PRH1: variants seen among roughly 807,000 people sequenced by gnomAD.
PRH1 encodes proline rich protein HaeIII subfamily 1.
A neutral mutation model predicts 7.9 loss-of-function variants in PRH1; 7 were observed. The observed-to-expected ratio is 0.89, with a 90% CI of 0.50 to 1.67. The LOEUF (loss-of-function observed/expected upper bound fraction) is 1.67. PRH1 is among the 40% of genes most tolerant of loss of function. The probability of loss-of-function intolerance (pLI) is 0.00; values close to 1 mark genes in which losing one functional copy is unlikely to be tolerated. For synonymous variants in PRH1, 45 were observed against 80.8 expected, an observed-to-expected ratio of 0.56 and a Z score of 2.38; for missense variants, 109 against 223.6, an observed-to-expected ratio of 0.49 and a Z score of 3.27.
intron 2 of PRH1, among the ~76,000 whole-genome samples, chr12:10,945,771 TC>T (rs1950477463): frequency 6.6e-6 from 1 of 152,168 alleles, no homozygotes; most frequent in Non-Finnish European, 1.5e-5. Context: ...GCTTATTTCA[TC>T]CCTCAGCTAA....
intron 1 of PRH1, among the ~76,000 whole-genome samples, chr12:11,032,191 T>C (rs1404957546): frequency 6.6e-6 from 1 of 152,238 alleles, no homozygotes; most frequent in Non-Finnish European, 1.5e-5. Flanking sequence ...GTGTTTGCAA[T>C]TTTTCCTTGT....
intron 1 of PRH1, among the ~76,000 whole-genome samples, chr12:11,024,369 T>C (rs1591832429): frequency 6.6e-6 from 1 of 152,222 alleles, no homozygotes; most frequent in African/African-American, 2.4e-5. Flanking sequence ...TAAGTTTACC[T>C]CAATGCCACT....
At position 10,961,704 on chromosome 12, in the gene PRH1, T is replaced by C. The variant is rs1026338245; in HGVS notation, c.-59+11951A>G. Among the ~76,000 whole-genome samples the C allele has an allele frequency of 3.4e-4, 52 of 152,192 alleles. 1 individual carries two copies. The highest frequency in any genetic ancestry group is 1.1e-3 in the African/African-American group (44 of 41,450). On this transcript the variant is annotated intron_variant, in intron 2 of 3. Transcript: ENST00000539853. ...TAACAGCCACCAACGGACTGGATGA[T>C]GGAAAGCAGAACAGCAGAGATGGTA...
At chr12:10,964,687 C>A in intron 2 of PRH1, 1 of 623,092 alleles carries the variant, frequency 1.6e-6, no homozygotes, top group Non-Finnish European at 2.9e-6. Context: ...TTATGTGGAC[C>A]TTGGTGTTGG....
At chr12:10,973,531 G>T (rs896360886) in intron 2 of PRH1, 4 of 579,684 alleles carry the variant, frequency 6.9e-6, no homozygotes, top group Non-Finnish European at 1.2e-5. Context: ...CCTTGAGTAG[G>T]CTTTATGAGA....
intron 1 of PRH1, among the ~76,000 whole-genome samples, chr12:11,072,396 G>A (rs1192622179): frequency 6.6e-6 from 1 of 152,150 alleles, no homozygotes; most frequent in East Asian, 1.9e-4. Context: ...ACATGTAATT[G>A]AAATGGACAA....
At chr12:11,150,787 T>C (rs1947057415) in intron 1 of PRH1, among the ~76,000 whole-genome samples, 1 of 152,176 alleles carries the variant, frequency 6.6e-6, no homozygotes, top group African/African-American at 2.4e-5. Context: ...TACCTGCACA[T>C]TGTGCACATG....
intron 2 of PRH1, among the ~76,000 whole-genome samples, chr12:10,962,350 C>T (rs1938276764): frequency 1.3e-5 from 2 of 152,018 alleles, no homozygotes; most frequent in Admixed American, 6.6e-5. Context: ...CATTCACAAT[C>T]GAGAAAATAT....
chr12:11,136,048 C>T (rs1341567165), intron 1 of PRH1, among the ~76,000 whole-genome samples: 2 of 152,180 alleles, frequency 1.3e-5, no homozygotes, highest in Non-Finnish European at 2.9e-5. Context: ...ACACTGAAAA[C>T]AGCCTAGGTC....
chr12:11,140,635 T>C (rs1318800081), intron 1 of PRH1, among the ~76,000 whole-genome samples: 1 of 152,152 alleles, frequency 6.6e-6, no homozygotes, highest in African/African-American at 2.4e-5. Context: ...AAACACAACA[T>C]CCTTGCTGTA....
At chr12:11,107,691 G>A (rs569964491) in intron 1 of PRH1, among the ~76,000 whole-genome samples, 1 of 152,286 alleles carries the variant, frequency 6.6e-6, no homozygotes, top group East Asian at 1.9e-4. Flanking sequence ...TCGCATTAGG[G>A]TAGACAAAAA....
rs559800982 is a variant in PRH1, at chr12:11,041,116, T to C, written c.-126+5904A>G. Among the ~76,000 whole-genome samples the C allele has an allele frequency of 8.0e-5, 12 of 150,898 alleles. No individual in the cohort carries two copies. In the South Asian group the frequency reaches 8.3e-4, roughly 10 times the overall value. ...TAAGACCTTACTACCAGTAATAACG[T>C]TGAATGAAAATGGACTAAACTCTCC... On this transcript the variant is annotated intron_variant, in intron 1 of 3. Transcript: ENST00000539853.
chr12:11,043,824 C>T (rs562589733), intron 1 of PRH1, among the ~76,000 whole-genome samples: 16 of 152,170 alleles, frequency 1.1e-4, no homozygotes, highest in African/African-American at 3.9e-4. Context: ...TGGTCCATGT[C>T]CATGGATTAG....
At chr12:11,051,920 C>T (rs2136152372), upstream of PRH1, among the ~76,000 whole-genome samples, 1 of 112,962 alleles carries the variant, frequency 8.9e-6, no homozygotes, top group Non-Finnish European at 2.0e-5. Context: ...CTTTTCTGAG[C>T]TGTTAGAATA....
At chr12:11,164,395 C>T (rs1048922876) in intron 1 of PRH1, among the ~76,000 whole-genome samples, 1 of 152,134 alleles carries the variant, frequency 6.6e-6, no homozygotes, top group Non-Finnish European at 1.5e-5. Flanking sequence ...TATCATGGGA[C>T]TTCTCAGCCT....
At chr12:11,125,027 G>A (rs1946063389) in intron 1 of PRH1, among the ~76,000 whole-genome samples, 1 of 152,140 alleles carries the variant, frequency 6.6e-6, no homozygotes, top group East Asian at 1.9e-4. Flanking sequence ...ATTTTTAGAA[G>A]AGATGGGTTT....
chr12:11,156,570 T>C (rs1947254573), intron 1 of PRH1, among the ~76,000 whole-genome samples: 1 of 152,208 alleles, frequency 6.6e-6, no homozygotes. Context: ...TGTGTAGTTA[T>C]CTTCCAATTC....
At chr12:11,000,267 AT>A (rs1359282395) in intron 1 of PRH1, among the ~76,000 whole-genome samples, 3 of 152,140 alleles carry the variant, frequency 2.0e-5, no homozygotes, top group African/African-American at 4.8e-5. Context: ...TTATGCACAT[AT>A]TTATCATTTC....
chr12:10,913,107 T>G (rs1949923876), intron 2 of PRH1, among the ~76,000 whole-genome samples: 1 of 152,222 alleles, frequency 6.6e-6, no homozygotes, highest in Admixed American at 6.5e-5. Context: ...AATTGTAGTA[T>G]CTTCATGGCA....
Sources: allele counts gnomAD v4.1 joint callset (sites outside exome capture counted in the v4.1 genomes callset), GRCh38; gene constraint gnomAD v4.1.1; transcripts MANE v1.5; gene names NCBI Gene and HGNC (gene_info 2026-07-23, HGNC 2026-07-21).